The following PDSS2 variants were observed in gnomAD, a reference collection of about 807,000 sequenced individuals.
PDSS2 encodes the protein all trans-polyprenyl-diphosphate synthase PDSS2.
In PDSS2, 31 loss-of-function variants were observed where a neutral mutation model predicts 44.5. The observed-to-expected ratio is 0.70, with a 90% CI of 0.52 to 0.94. The LOEUF is 0.94. Among genes scored for constraint, PDSS2 ranks in the 40% least tolerant of loss-of-function variants. The pLI, the probability that PDSS2 is intolerant of heterozygous loss-of-function variation, is 0.00. For missense variants in PDSS2, 452 were observed against 482.2 expected, an observed-to-expected ratio of 0.94 and a Z score of 0.59; for synonymous variants, 157 against 180.3, an observed-to-expected ratio of 0.87 and a Z score of 1.03.
intron 7 of PDSS2, chr6:107,192,670 C>A (rs59173884): frequency 0.17 from 26,932 of 160,916 alleles, 3,155 homozygotes; most frequent in African/African-American, 0.34. Flanking sequence ...TGCTTTGCAA[C>A]CTTCTCCAAG....
chr6:107,398,184 G>A (rs1414267677), intron 1 of PDSS2, among the ~76,000 whole-genome samples: 1 of 152,176 alleles, frequency 6.6e-6, no homozygotes, highest in Non-Finnish European at 1.5e-5. Context: ...CTGCTTATCT[G>A]TGGGAGGCTC....
At chr6:107,270,903 C>T (rs1021695928) in intron 3 of PDSS2, among the ~76,000 whole-genome samples, 2 of 152,160 alleles carry the variant, frequency 1.3e-5, no homozygotes, top group African/African-American at 4.8e-5. Flanking sequence ...TACCTGATGA[C>T]ACTGAACTAA....
At chr6:107,226,668 ATTTTTTTTTT>A (rs61088823) in intron 4 of PDSS2, among the ~76,000 whole-genome samples, 1 of 132,238 alleles carries the variant, frequency 7.6e-6, no homozygotes, top group Non-Finnish European at 1.6e-5. Flanking sequence ...GGATTTTGGA[ATTTTTTTTTT>A]TTTTTTTTTG....
Position 107,206,960 on chromosome 6 carries a change from T to C in PDSS2, c.1008+3479A>G, listed in dbSNP as rs187359090. ...ACTCCAAGTAAGCCACTGTGGCAGGTAGTATGGGTAATTCAAAGATGAATT... is the reference window on the plus strand; with the variant it reads ...ACTCCAAGTAAGCCACTGTGGCAGGCAGTATGGGTAATTCAAAGATGAATT... On this transcript the variant is annotated intron_variant, in intron 6 of 7. Coordinates refer to ENST00000369037, the MANE Select transcript of PDSS2 (RefSeq NM_020381.4). Among the ~76,000 whole-genome samples the C allele has an allele frequency of 5.3e-5, 8 of 151,984 alleles. No homozygotes were observed. In the East Asian group the frequency reaches 1.4e-3, roughly 26 times the overall value.
At chr6:107,418,370 C>G (rs1388788948) in intron 1 of PDSS2, among the ~76,000 whole-genome samples, 3 of 152,176 alleles carry the variant, frequency 2.0e-5, no homozygotes, top group Admixed American at 1.3e-4. Flanking sequence ...CAGATCCTCT[C>G]TAGAACCTCC....
At position 107,326,292 on chromosome 6, in the gene PDSS2, T is replaced by C. The variant is rs529076360; in HGVS notation, c.431+7906A>G. ...CTAATTTTTTTTTCTTGTATTTTAG[T>C]AGAGACGGGATTTTGCCATGTTGGC... On this transcript the variant is annotated intron_variant, in intron 2 of 7. Coordinates refer to ENST00000369037, the MANE Select transcript of PDSS2 (RefSeq NM_020381.4). Among the ~76,000 whole-genome samples, 359 of 151,696 alleles carry C rather than the reference T, an allele frequency of 2.4e-3. 5 individuals are homozygous for C. Among genetic ancestry groups the C allele is most frequent in the African/African-American group, 8.5e-3 (351 of 41,454 alleles).
intron 1 of PDSS2, among the ~76,000 whole-genome samples, chr6:107,417,778 TACACACACACACACACACACAC>T (rs59602150): frequency 1.4e-5 from 2 of 146,948 alleles, no homozygotes; most frequent in Non-Finnish European, 3.0e-5. Context: ...TTAATAATAA[TACACACACACACACACACACAC>T]ACACACACAC....
Position 107,389,763 on chromosome 6 carries a change from T to C in PDSS2, c.297-55431A>G, listed in dbSNP as rs1354768887. Among the ~76,000 whole-genome samples the C allele has an allele frequency of 7.2e-5, 11 of 152,228 alleles. No individual in the cohort carries two copies. The East Asian group carries it at 1.7e-3, about 24-fold the overall frequency. On this transcript the variant is annotated intron_variant, in intron 1 of 7. Transcript: ENST00000369037. ...TAGGAATAGGAATGTCCAGAAGCAATGATCATATCCACAACCCAGATATTG... is the reference window on the plus strand; with the variant it reads ...TAGGAATAGGAATGTCCAGAAGCAACGATCATATCCACAACCCAGATATTG...
intron 3 of PDSS2, among the ~76,000 whole-genome samples, chr6:107,250,833 C>T (rs769452737): frequency 2.6e-5 from 4 of 152,072 alleles, no homozygotes; most frequent in Non-Finnish European, 5.9e-5. Context: ...CAAAGGAGTG[C>T]CTATCCTAAA....
intron 2 of PDSS2, among the ~76,000 whole-genome samples, chr6:107,292,120 G>C (rs1479059391): frequency 6.6e-6 from 1 of 151,296 alleles, no homozygotes; most frequent in East Asian, 1.9e-4. Context: ...AAAGAGATTA[G>C]ATACTTCAGT....
intron 1 of PDSS2, among the ~76,000 whole-genome samples, chr6:107,341,493 C>T (rs1033369454): frequency 1.3e-5 from 2 of 151,944 alleles, no homozygotes; most frequent in African/African-American, 4.8e-5. Flanking sequence ...TTCATAGAAG[C>T]GATGGCTGAA....
In PDSS2 at chr6:107,254,039, T is replaced by C. The variant is rs532724242; in HGVS notation, c.631-8420A>G. 4.0e-4 allele frequency among the ~76,000 whole-genome samples: 60 copies of C among 149,220 alleles called. 1 individual carries two copies. The South Asian group carries it at 8.1e-3, about 20-fold the overall frequency. The stretch of plus-strand genomic sequence containing the variant: ...TTTCTTTTTCTTTCTTTCTTTCTTT[T>C]TTTTTTTTTTTTGAGACAGAGTCTC... On this transcript the variant is annotated intron_variant, in intron 3 of 7. Transcript: ENST00000369037.
intron 4 of PDSS2, among the ~76,000 whole-genome samples, chr6:107,217,894 G>C (rs952170137): frequency 6.6e-6 from 1 of 152,170 alleles, no homozygotes; most frequent in African/African-American, 2.4e-5. Flanking sequence ...CTACAAGCCT[G>C]GCTGCTCAAG....
intron 1 of PDSS2, among the ~76,000 whole-genome samples, chr6:107,429,077 G>A (rs1781090994): frequency 6.6e-6 from 1 of 152,172 alleles, no homozygotes; most frequent in African/African-American, 2.4e-5. Context: ...CACAGCTTCT[G>A]ATTTTCTGAG....
intron 1 of PDSS2, among the ~76,000 whole-genome samples, chr6:107,393,332 T>C (rs1232826769): frequency 2.0e-5 from 3 of 152,206 alleles, no homozygotes; most frequent in Non-Finnish European, 2.9e-5. Context: ...TTATAGTGAA[T>C]TCTAATTTAA....
At chr6:107,217,015 G>A (rs1773435403) in intron 4 of PDSS2, among the ~76,000 whole-genome samples, 1 of 152,118 alleles carries the variant, frequency 6.6e-6, no homozygotes, top group South Asian at 2.1e-4. Flanking sequence ...AGAGCTATCT[G>A]GAAAAAATAA....
At chr6:107,154,924 G>A (rs1200343005) in intron 7 of PDSS2, 147 bp from the exon 8 acceptor site, 1 of 784,348 alleles carries the variant, frequency 1.3e-6, no homozygotes, top group African/African-American at 1.7e-5. Context: ...CTGGAAAAGA[G>A]GACATCATTT....
intron 2 of PDSS2, among the ~76,000 whole-genome samples, chr6:107,303,373 G>T (rs1378261102): frequency 6.6e-6 from 1 of 152,194 alleles, no homozygotes; most frequent in Non-Finnish European, 1.5e-5. Flanking sequence ...CAGAGATACA[G>T]TGTCTCCTCT....
intron 4 of PDSS2, among the ~76,000 whole-genome samples, chr6:107,216,739 A>G (rs1171356169): frequency 6.6e-6 from 1 of 152,232 alleles, no homozygotes; most frequent in Non-Finnish European, 1.5e-5. Flanking sequence ...AAAGAAGAGC[A>G]GCCAGGAAAA....
Sources: gnomAD v4.1 joint callset for allele counts (sites outside exome capture counted in the v4.1 genomes callset) on GRCh38, gnomAD v4.1.1 for gene constraint, MANE v1.5 for transcripts, NCBI Gene and HGNC (gene_info 2026-07-23, HGNC 2026-07-21) for gene names.